Variants in CATSPERT observed in about 807,000 individuals in gnomAD.
CATSPERT encodes catsper channel auxiliary subunit tau, also known as cation channel sperm-associated targeting subunit tau.
the CATSPERT span, among the ~76,000 whole-genome samples, chr2:201,595,629 G>T: frequency 6.6e-6 from 1 of 152,282 alleles, no homozygotes; most frequent in South Asian, 2.1e-4. Context: ...ACCCACTTGA[G>T]GATGCAGTCT....
At chr2:201,606,276 C>T in the CATSPERT span, among the ~76,000 whole-genome samples, 4 of 152,276 alleles carry the variant, frequency 2.6e-5, no homozygotes, top group African/African-American at 7.2e-5. Flanking sequence ...TTTATAAAGA[C>T]ATCTTGCCTA....
the CATSPERT span, among the ~76,000 whole-genome samples, chr2:201,548,428 C>CTTCCAA: frequency 6.6e-6 from 1 of 152,094 alleles, no homozygotes; most frequent in Non-Finnish European, 1.5e-5. Flanking sequence ...CCCTAATTAT[C>CTTCCAA]TTCCAAAGGC....
At chr2:201,618,866 C>A in the CATSPERT span, 3 of 1,605,782 alleles carry the variant, frequency 1.9e-6, no homozygotes, top group South Asian at 1.1e-5. Flanking sequence ...TGGCCCCGGT[C>A]CTCCAGGTGC....
chr2:201,609,910 G>C, the CATSPERT span, among the ~76,000 whole-genome samples: 19 of 152,086 alleles, frequency 1.2e-4, no homozygotes, highest in South Asian at 3.5e-3. Flanking sequence ...TTTGGCTTTT[G>C]ACCTTACTAA....
the CATSPERT span, among the ~76,000 whole-genome samples, chr2:201,515,188 T>G: frequency 2.1e-5 from 3 of 143,390 alleles, no homozygotes; most frequent in African/African-American, 7.7e-5. Flanking sequence ...TTGAGTGTTG[T>G]GAATCTGCCC....
At chr2:201,491,265 GACTATCT>G in the CATSPERT span, 1 of 1,537,700 alleles carries the variant, frequency 6.5e-7, no homozygotes, top group African/African-American at 1.4e-5. Context: ...GTAGTATCCT[GACTATCT>G]TGTTAAATGA....
chr2:201,575,229 TAAG>T, the CATSPERT span: 1 of 1,407,622 alleles, frequency 7.1e-7, no homozygotes, highest in Non-Finnish European at 9.6e-7. Context: ...CATGAAATGT[TAAG>T]AATATATTAC....
chr2:201,527,084 TA>T, the CATSPERT span, among the ~76,000 whole-genome samples: 12 of 152,114 alleles, frequency 7.9e-5, no homozygotes, highest in African/African-American at 7.2e-5. Context: ...AATCAATGTA[TA>T]AAAATCATTA....
the CATSPERT span, among the ~76,000 whole-genome samples, chr2:201,615,132 CATT>C: frequency 6.6e-6 from 1 of 152,126 alleles, no homozygotes; most frequent in Non-Finnish European, 1.5e-5. Context: ...CCACTGTCAA[CATT>C]AGACAGATCA....
the CATSPERT span, among the ~76,000 whole-genome samples, chr2:201,536,959 A>T: frequency 6.6e-6 from 1 of 151,996 alleles, no homozygotes; most frequent in Non-Finnish European, 1.5e-5. Context: ...TCACTGATTT[A>T]CATGGGGAGC....
chr2:201,552,753 A>G, the CATSPERT span: 1 of 152,172 alleles, frequency 6.6e-6, no homozygotes, highest in African/African-American at 2.4e-5. Flanking sequence ...CAACAGCCTC[A>G]ATTACATTTA....
the CATSPERT span, among the ~76,000 whole-genome samples, chr2:201,544,630 T>C: frequency 6.6e-6 from 1 of 152,004 alleles, no homozygotes; most frequent in Non-Finnish European, 1.5e-5. Flanking sequence ...CAATGTCTAA[T>C]AAAAATGCCT....
the CATSPERT span, among the ~76,000 whole-genome samples, chr2:201,517,762 T>C: frequency 6.6e-6 from 1 of 152,218 alleles, no homozygotes; most frequent in African/African-American, 2.4e-5. Context: ...AAGTGAGGCT[T>C]GTTGGGCCCT....
At chr2:201,578,968 T>C in the CATSPERT span, among the ~76,000 whole-genome samples, 3 of 152,322 alleles carry the variant, frequency 2.0e-5, no homozygotes, top group African/African-American at 4.8e-5. Flanking sequence ...TCTTTCTATG[T>C]ATTAGAAATT....
At chr2:201,582,551 T>C in the CATSPERT span, among the ~76,000 whole-genome samples, 1 of 152,152 alleles carries the variant, frequency 6.6e-6, no homozygotes, top group Non-Finnish European at 1.5e-5. Context: ...CAATACTCTA[T>C]TGAAACTACA....
At chr2:201,541,531 T>TTA in the CATSPERT span, among the ~76,000 whole-genome samples, 289 of 92,644 alleles carry the variant, frequency 3.1e-3, no homozygotes, top group African/African-American at 6.0e-3. Context: ...TCAGATGATT[T>TTA]TATATATATA....
At chr2:201,505,326 C>T in the CATSPERT span, among the ~76,000 whole-genome samples, 1 of 152,110 alleles carries the variant, frequency 6.6e-6, no homozygotes, top group Non-Finnish European at 1.5e-5. Context: ...AGTGATCTGC[C>T]CACCTCGGCC....
At chr2:201,580,061 G>T in the CATSPERT span, among the ~76,000 whole-genome samples, 1 of 151,930 alleles carries the variant, frequency 6.6e-6, no homozygotes, top group East Asian at 1.9e-4. Flanking sequence ...TTGCCAGACT[G>T]GTCTCCAACT....
At chr2:201,554,231 T>A in the CATSPERT span, 2 of 152,184 alleles carry the variant, frequency 1.3e-5, no homozygotes, top group Admixed American at 6.5e-5. Context: ...TAGGAAGCCC[T>A]GTAATTTTAA....
Sources: allele counts gnomAD v4.1 joint callset (sites outside exome capture counted in the v4.1 genomes callset), GRCh38; gene constraint gnomAD v4.1.1; transcripts MANE v1.5; gene names NCBI Gene and HGNC (gene_info 2026-07-23, HGNC 2026-07-21).